DET1: variants seen among roughly 807,000 people sequenced by gnomAD.
DET1 encodes DET1 partner of COP1 E3 ubiquitin ligase.
DET1 carries 22 observed loss-of-function variants against 43.7 expected under a neutral mutation model. The observed-to-expected ratio is 0.50, with a 90% CI of 0.36 to 0.72. The LOEUF (loss-of-function observed/expected upper bound fraction) is 0.72, where lower values mean the gene tolerates loss of function less well. Ranked by LOEUF, DET1 falls within the 30% of genes least tolerant of loss-of-function variation. The pLI is 0.00. For synonymous variants in DET1, 315 were observed against 266.2 expected (o/e 1.18, Z -1.79); for missense variants, 713 against 713.3 (o/e 1.00, Z 0.00).
At chr15:88,522,474 A>T (rs2056518558) in intron 3 of DET1, among the ~76,000 whole-genome samples, 1 of 130,842 alleles carries the variant, frequency 7.6e-6, no homozygotes, top group Admixed American at 7.9e-5. Context: ...CACATTTTAA[A>T]TTTCCAAAAG....
At chr15:88,541,650 G>A (rs932574352) in intron 1 of DET1, among the ~76,000 whole-genome samples, 1 of 152,180 alleles carries the variant, frequency 6.6e-6, no homozygotes, top group Non-Finnish European at 1.5e-5. Flanking sequence ...AATTGTTCAA[G>A]CCGTGTGGCG....
intron 1 of DET1, among the ~76,000 whole-genome samples, chr15:88,543,385 G>A (rs1395008294): frequency 1.3e-5 from 2 of 152,224 alleles, no homozygotes; most frequent in African/African-American, 4.8e-5. Context: ...GTAAATGGAT[G>A]TCAGATGCTT....
chr15:88,534,072 T>C (rs557046221), intron 1 of DET1, among the ~76,000 whole-genome samples: 25 of 152,210 alleles, frequency 1.6e-4, no homozygotes, highest in African/African-American at 5.8e-4. Flanking sequence ...ACTACTGAAC[T>C]GTACACTTAC....
intron 3 of DET1, among the ~76,000 whole-genome samples, chr15:88,522,547 T>C (rs921875197): frequency 8.1e-6 from 1 of 124,038 alleles, no homozygotes; most frequent in African/African-American, 3.4e-5. Flanking sequence ...TCTCGTTCTG[T>C]ACCCAGGCTG....
chr15:88,518,941 T>C (rs1251969120), intron 3 of DET1, among the ~76,000 whole-genome samples: 1 of 152,172 alleles, frequency 6.6e-6, no homozygotes, highest in East Asian at 1.9e-4. Flanking sequence ...ACAGCCTCAG[T>C]ATAAATCATA....
At chr15:88,536,033 A>G (rs2056940110) in intron 1 of DET1, among the ~76,000 whole-genome samples, 3 of 152,124 alleles carry the variant, frequency 2.0e-5, no homozygotes, top group Admixed American at 1.3e-4. Flanking sequence ...TACAGTAAAA[A>G]CCTCTAAAGT....
At chr15:88,513,793 C>CT (rs55855042) in intron 4 of DET1, among the ~76,000 whole-genome samples, 2,264 of 68,400 alleles carry the variant, frequency 0.033, 62 homozygotes, top group Middle Eastern at 0.058. Context: ...AGAATAAATT[C>CT]TTTTTTTTTT....
At chr15:88,506,846 C>T (rs1387508579) in intron 7 of DET1, among the ~76,000 whole-genome samples, 1 of 152,144 alleles carries the variant, frequency 6.6e-6, no homozygotes, top group Non-Finnish European at 1.5e-5. Flanking sequence ...CATGTCAGCT[C>T]CCTGCCAAGC....
intron 3 of DET1, among the ~76,000 whole-genome samples, chr15:88,521,444 A>C (rs1451134101): frequency 1.3e-5 from 2 of 152,186 alleles, no homozygotes; most frequent in African/African-American, 4.8e-5. Context: ...CGTGCTTCCA[A>C]ATGGTCTGAC....
intron 2 of DET1, among the ~76,000 whole-genome samples, chr15:88,530,006 C>T (rs546356596): frequency 5.3e-5 from 8 of 152,306 alleles, no homozygotes; most frequent in East Asian, 3.9e-4. Context: ...ACTCTCCTCA[C>T]GGATCATAAA....
intron 1 of DET1, among the ~76,000 whole-genome samples, chr15:88,538,498 TA>T (rs2057009327): frequency 6.6e-6 from 1 of 151,768 alleles, no homozygotes; most frequent in South Asian, 2.1e-4. Flanking sequence ...CTCCCCTTCC[TA>T]AACCAAGGTA....
chr15:88,525,047 G>T (rs376009169), intron 3 of DET1, among the ~76,000 whole-genome samples: 24 of 152,168 alleles, frequency 1.6e-4, no homozygotes, highest in African/African-American at 5.6e-4. Flanking sequence ...ATACAATTCT[G>T]TTGGGGAGAC....
intron 1 of DET1, among the ~76,000 whole-genome samples, chr15:88,540,096 G>T (rs986273191): frequency 6.6e-6 from 1 of 151,578 alleles, no homozygotes; most frequent in Admixed American, 6.6e-5. Flanking sequence ...TTTCCACTGC[G>T]ACAGCAAGTT....
In DET1 at chr15:88,516,022, C is replaced by G. The variant is rs1567058575; in HGVS notation, c.1463+760G>C. Reference sequence around the variant, plus strand: ...GATTAATTATACAGACTATGTCACACAGGCACATTTAATACACAATGAGAC... The same window carrying G: ...GATTAATTATACAGACTATGTCACAGAGGCACATTTAATACACAATGAGAC... On this transcript the variant is annotated intron_variant, in intron 4 of 4. Transcript: ENST00000268148. This position sits in a 1 kb window ranked among gnomAD's most constrained non-coding sequence, Gnocchi z 4.4. Among the ~76,000 whole-genome samples, 1 of 152,204 alleles carries G rather than the reference C, an allele frequency of 6.6e-6. No homozygotes were observed. Among genetic ancestry groups the G allele is most frequent in the Non-Finnish European group, 1.5e-5 (1 of 68,046 alleles).
At position 88,531,754 on chromosome 15, in the gene DET1, C is replaced by G; in HGVS notation, c.-10-39G>C. 6.5e-7 allele frequency: 1 copy of G among 1,534,452 alleles called. No individual in the cohort carries two copies. The highest frequency in any genetic ancestry group is 8.8e-7 in the Non-Finnish European group (1 of 1,137,456). On this transcript the variant is annotated intron_variant, in intron 1 of 4. Coordinates refer to ENST00000268148, the MANE Select transcript of DET1 (RefSeq NM_001144074.3). This position sits in a 1 kb window ranked among gnomAD's most constrained non-coding sequence, Gnocchi z 6.2. ...TAAAGCAGAAGTCAAGAAAGTGAAA[C>G]AGAATTTACCAAAATATAAATATAT...
chr15:88,523,021 G>C (rs555416131), intron 3 of DET1, among the ~76,000 whole-genome samples: 2 of 151,526 alleles, frequency 1.3e-5, no homozygotes, highest in Non-Finnish European at 2.9e-5. Context: ...TAGCTGAGCC[G>C]ACAGGCGCAT....
Position 88,512,613 on chromosome 15 carries a change from C to T in DET1, c.*338G>A, listed in dbSNP as rs1171734456. ...TGCTTTCAGATGCAAACCATAATGCCGAAGAAGTGACATGAAGGGGATAAA... is the reference window on the plus strand; with the variant it reads ...TGCTTTCAGATGCAAACCATAATGCTGAAGAAGTGACATGAAGGGGATAAA... On this transcript the variant is annotated 3_prime_UTR_variant, in exon 5 of 5. Coordinates refer to ENST00000268148, the MANE Select transcript of DET1 (RefSeq NM_001144074.3). The T allele has an allele frequency of 1.8e-5, 19 of 1,042,662 alleles. No homozygotes were observed. The highest frequency in any genetic ancestry group is 6.7e-5 in the African/African-American group (4 of 59,462). The allele number at this position is 1,042,662 out of a possible 1,614,324, so 64.6% of individuals were successfully genotyped here.
At chr15:88,545,550 T>C (rs1598356566) in intron 1 of DET1, among the ~76,000 whole-genome samples, 1 of 152,366 alleles carries the variant, frequency 6.6e-6, no homozygotes, top group East Asian at 1.9e-4. Flanking sequence ...CTGGGTTAGC[T>C]GGACCTCTCC....
At chr15:88,527,924 C>G in intron 2 of DET1, 138 bp from the exon 3 acceptor site, 1 of 503,102 alleles carries the variant, frequency 2.0e-6, no homozygotes, top group Non-Finnish European at 3.2e-6. Flanking sequence ...CAACAACAAG[C>G]AAACACCTCG....
Sources: gnomAD v4.1 joint callset for allele counts (sites outside exome capture counted in the v4.1 genomes callset) on GRCh38, gnomAD v4.1.1 for gene constraint, Gnocchi (gnomAD v3.1) non-coding constraint, MANE v1.5 for transcripts, NCBI Gene and HGNC (gene_info 2026-07-23, HGNC 2026-07-21) for gene names.